The following RBFOX3 variants were observed in gnomAD, a reference collection of about 807,000 sequenced individuals.
RBFOX3 encodes RNA binding protein fox-1 homolog 3.
RBFOX3 carries 17 observed loss-of-function variants against 48.7 expected under a neutral mutation model. The ratio of observed to expected loss-of-function variants is 0.35; its 90% CI spans 0.24 to 0.52. The LOEUF is 0.52. Among genes scored for constraint, RBFOX3 ranks in the 20% least tolerant of loss-of-function variants. RBFOX3 has a pLI of 0.94. For missense variants in RBFOX3, 382 were observed against 497.5 expected (o/e 0.77, Z 2.21); for synonymous variants, 212 against 209.5 (o/e 1.01, Z -0.10).
At chr17:79,260,757 G>A (rs1178112840) in intron 3 of RBFOX3, among the ~76,000 whole-genome samples, 2 of 152,184 alleles carry the variant, frequency 1.3e-5, no homozygotes, top group Admixed American at 6.5e-5. Flanking sequence ...CAAGGAAGAC[G>A]CTGTAAAGTG....
intron 4 of RBFOX3, among the ~76,000 whole-genome samples, chr17:79,143,251 C>T (rs901461631): frequency 7.2e-5 from 11 of 152,102 alleles, no homozygotes; most frequent in African/African-American, 1.7e-4. Context: ...GAGTCCACCC[C>T]GTTCTCTGCC....
chr17:79,104,980 C>T (rs992212482), intron 6 of RBFOX3, among the ~76,000 whole-genome samples: 13 of 130,880 alleles, frequency 9.9e-5, no homozygotes, highest in African/African-American at 3.7e-4. Context: ...CTTCTTCCCT[C>T]CCATTGTTGG....
intron 12 of RBFOX3, among the ~76,000 whole-genome samples, chr17:79,096,029 C>T (rs909158128): frequency 1.3e-5 from 2 of 152,134 alleles, no homozygotes; most frequent in Non-Finnish European, 2.9e-5. Flanking sequence ...GTCCTGGACA[C>T]CAGGAAGGGT....
chr17:79,227,622 G>A (rs574225436), intron 4 of RBFOX3, among the ~76,000 whole-genome samples: 1 of 152,172 alleles, frequency 6.6e-6, no homozygotes, highest in Non-Finnish European at 1.5e-5. Context: ...GCTGACTGGC[G>A]GCGGTTACTC....
chr17:79,434,635 G>A (rs2069062115), intron 2 of RBFOX3, among the ~76,000 whole-genome samples: 1 of 152,166 alleles, frequency 6.6e-6, no homozygotes, highest in African/African-American at 2.4e-5. Context: ...CACATTCTAG[G>A]TGAGTTGCAT....
Position 79,468,937 on chromosome 17 carries a change from AGGATGGATGGAT to A in RBFOX3, c.-175+13505_-175+13516del, listed in dbSNP as rs199614550. Among the ~76,000 whole-genome samples, 97 of 90,022 alleles carry A rather than the reference AGGATGGATGGAT, an allele frequency of 1.1e-3. 2 individuals carry two copies. The highest frequency in any genetic ancestry group is 1.4e-3 in the Non-Finnish European group (56 of 40,060). The allele number at this position is 90,022 out of a possible 152,430, so 59.1% of individuals were successfully genotyped here. A position where few individuals can be genotyped will look rare whatever the true frequency, so the allele number is the denominator to read the frequency against. The stretch of plus-strand genomic sequence containing the variant: ...AGATAGGCAGGCAGATAGAGACGGG[AGGATGGATGGAT>A]GGATGGATGGATGGATGGATGGATG... On this transcript the variant is annotated intron_variant, in intron 2 of 14. Coordinates refer to ENST00000693108, the MANE Select transcript of RBFOX3 (RefSeq NM_001350451.2).
At chr17:79,287,911 G>A (rs1382483050) in intron 3 of RBFOX3, among the ~76,000 whole-genome samples, 6 of 152,156 alleles carry the variant, frequency 3.9e-5, no homozygotes, top group East Asian at 1.9e-4. Context: ...GCGGCACGTC[G>A]CAGACAGTGA....
chr17:79,198,262 CCCTCGCCCCTGCCCTGCA>C lies in RBFOX3; in HGVS notation c.-34+37486_-34+37503del, dbSNP rs2056083956. On this transcript the variant is annotated intron_variant, in intron 4 of 14. Coordinates refer to ENST00000693108, the MANE Select transcript of RBFOX3 (RefSeq NM_001350451.2). The surrounding 1 kb of genome is among the most constrained non-coding windows in gnomAD (Gnocchi z 8.2). ...ACAACCGCCTCTGGCCAGCCCTCTG[CCCTCGCCCCTGCCCTGCA>C]CCTCTCCATCCCACATGAGGCGACC... Among the ~76,000 whole-genome samples, 1 of 152,192 alleles carries C rather than the reference CCCTCGCCCCTGCCCTGCA, an allele frequency of 6.6e-6. No individual in the cohort carries two copies. Among genetic ancestry groups the C allele is most frequent in the South Asian group, 2.1e-4 (1 of 4,830 alleles).
intron 4 of RBFOX3, among the ~76,000 whole-genome samples, chr17:79,163,141 C>A (rs547205174): frequency 1.3e-5 from 2 of 152,302 alleles, no homozygotes; most frequent in African/African-American, 4.8e-5. Context: ...GGCCACTGCT[C>A]CCCCATCTCA....
At chr17:79,106,583 C>T (rs1048685987) in intron 6 of RBFOX3, 68 bp downstream of exon 6, 1 of 1,391,324 alleles carries the variant, frequency 7.2e-7, no homozygotes, top group South Asian at 1.7e-5. Context: ...GAAGGCAGGG[C>T]CTGTGGGCGC....
intron 2 of RBFOX3, among the ~76,000 whole-genome samples, chr17:79,373,536 T>C (rs781679280): frequency 3.9e-5 from 6 of 151,930 alleles, no homozygotes; most frequent in South Asian, 2.1e-4. Flanking sequence ...GACGGGTGCT[T>C]ACCTGAACAC....
At chr17:79,207,541 G>T (rs1169056171) in intron 4 of RBFOX3, among the ~76,000 whole-genome samples, 3 of 152,258 alleles carry the variant, frequency 2.0e-5, no homozygotes, top group Non-Finnish European at 4.4e-5. Context: ...CTGTGGCCAG[G>T]CTCGGGCTGG....
chr17:79,540,432 C>T (rs2089513131), intron 1 of RBFOX3, among the ~76,000 whole-genome samples: 1 of 152,242 alleles, frequency 6.6e-6, no homozygotes, highest in Non-Finnish European at 1.5e-5. Context: ...CATCCACCTC[C>T]TTAAGGTGCA....
chr17:79,618,635 G>A, the RBFOX3 span, among the ~76,000 whole-genome samples: 1 of 152,316 alleles, frequency 6.6e-6, no homozygotes, highest in Non-Finnish European at 1.5e-5. Context: ...GTGCACATCC[G>A]TCTGGACAAA....
chr17:79,122,106 C>T (rs950742649), intron 4 of RBFOX3, among the ~76,000 whole-genome samples: 1 of 152,168 alleles, frequency 6.6e-6, no homozygotes, highest in African/African-American at 2.4e-5. Context: ...TGACTTGGCT[C>T]TTTTGGCCCA....
chr17:79,620,472 T>TGCACACAC, the RBFOX3 span, among the ~76,000 whole-genome samples: 1 of 130,230 alleles, frequency 7.7e-6, no homozygotes, highest in African/African-American at 3.0e-5. Flanking sequence ...CATGCACACG[T>TGCACACAC]GCACACACGC....
chr17:79,451,297 A>C (rs1555741516), intron 2 of RBFOX3, among the ~76,000 whole-genome samples: 1 of 152,352 alleles, frequency 6.6e-6, no homozygotes, highest in East Asian at 1.9e-4. Context: ...AGTCAAGTGC[A>C]GTCAACCCTG....
At chr17:79,453,758 C>A (rs932090522) in intron 2 of RBFOX3, among the ~76,000 whole-genome samples, 1 of 152,062 alleles carries the variant, frequency 6.6e-6, no homozygotes, top group Non-Finnish European at 1.5e-5. Flanking sequence ...CCCCAGAGGA[C>A]CCTGGGGGAG....
chr17:79,551,705 G>A (rs1176138836), intron 1 of RBFOX3, among the ~76,000 whole-genome samples: 2 of 152,290 alleles, frequency 1.3e-5, no homozygotes, highest in Non-Finnish European at 2.9e-5. Flanking sequence ...GTTCACATGA[G>A]ATGTGGCTGT....
Sources: gnomAD v4.1 joint callset for allele counts (sites outside exome capture counted in the v4.1 genomes callset) on GRCh38, gnomAD v4.1.1 for gene constraint, Gnocchi (gnomAD v3.1) non-coding constraint, MANE v1.5 for transcripts, NCBI Gene and HGNC (gene_info 2026-07-23, HGNC 2026-07-21) for gene names.